ITGA6: variants seen among roughly 807,000 people sequenced by gnomAD.
ITGA6 encodes the protein integrin subunit alpha 6, also known as integrin alpha-6.
Under a neutral mutation model 133.6 loss-of-function variants are expected in ITGA6, and 63 were observed. That is an observed-to-expected ratio of 0.47 (90% CI 0.38 to 0.58). The LOEUF is 0.58. Ranked by LOEUF, ITGA6 falls within the 20% of genes least tolerant of loss-of-function variation. The pLI is 0.00. For synonymous variants in ITGA6, 434 were observed against 482.0 expected, an observed-to-expected ratio of 0.90 and a Z score of 1.30; for missense variants, 1,068 against 1,309.4, an observed-to-expected ratio of 0.82 and a Z score of 2.85.
At chr2:172,448,258 T>C (rs1358739906) in intron 1 of ITGA6, among the ~76,000 whole-genome samples, 2 of 152,056 alleles carry the variant, frequency 1.3e-5, no homozygotes, top group Non-Finnish European at 2.9e-5. Context: ...CTGACCATGC[T>C]CTTGTAATAG....
At chr2:172,497,362 G>A (rs1022049975) in intron 23 of ITGA6, among the ~76,000 whole-genome samples, 2 of 152,034 alleles carry the variant, frequency 1.3e-5, no homozygotes, top group African/African-American at 4.8e-5. Flanking sequence ...GCTGTGAGTG[G>A]TGGCATGCGC....
intron 1 of ITGA6, among the ~76,000 whole-genome samples, chr2:172,435,589 A>G (rs1315088978): frequency 6.7e-6 from 1 of 150,302 alleles, no homozygotes; most frequent in East Asian, 2.0e-4. Flanking sequence ...CAGCTTTGCC[A>G]CGACACAAAA....
At chr2:172,501,044 T>C (rs1172093907) in intron 24 of ITGA6, among the ~76,000 whole-genome samples, 1 of 152,172 alleles carries the variant, frequency 6.6e-6, no homozygotes, top group Non-Finnish European at 1.5e-5. Context: ...ATGAACTAGA[T>C]AAAAGTAAAT....
chr2:172,462,613 C>A (rs540889869), intron 1 of ITGA6, among the ~76,000 whole-genome samples: 1 of 152,164 alleles, frequency 6.6e-6, no homozygotes, highest in East Asian at 1.9e-4. Flanking sequence ...CCAACAAATT[C>A]GAGTTAAATG....
chr2:172,447,217 A>C (rs991664212), intron 1 of ITGA6, among the ~76,000 whole-genome samples: 5 of 150,526 alleles, frequency 3.3e-5, no homozygotes, highest in Non-Finnish European at 7.4e-5. Flanking sequence ...TTTTATTTTT[A>C]TTTATTTATT....
At chr2:172,465,507 A>C in intron 1 of ITGA6, 32 bp from the exon 2 acceptor site, 2 of 1,613,576 alleles carry the variant, frequency 1.2e-6, no homozygotes, top group South Asian at 2.2e-5. Context: ...TATTAAATTC[A>C]AATCTCCAAA....
chr2:172,484,431 G>A (rs1028411654), intron 11 of ITGA6, among the ~76,000 whole-genome samples: 2 of 152,192 alleles, frequency 1.3e-5, no homozygotes, highest in Admixed American at 6.5e-5. Flanking sequence ...TTAGGTGCTC[G>A]GGGGAGTGTT....
intron 5 of ITGA6, chr2:172,472,900 C>G (rs772893338): frequency 1.3e-6 from 2 of 1,490,104 alleles, no homozygotes; most frequent in African/African-American, 2.8e-5. Context: ...GGTTTGTGAC[C>G]TCTGCGACGA....
intron 2 of ITGA6, 21 bp from the exon 3 acceptor site, chr2:172,467,460 T>C (rs1463231619): frequency 2.5e-6 from 4 of 1,602,138 alleles, no homozygotes; most frequent in Non-Finnish European, 3.4e-6. Context: ...CTTGGAAGGC[T>C]AACTATGCTC....
At position 172,491,294 on chromosome 2, in the gene ITGA6, T is replaced by A; in HGVS notation, c.2852T>A (p.Ile951Asn). The A allele has an allele frequency of 6.2e-7, 1 of 1,612,828 alleles. No individual in the cohort carries two copies. The highest frequency in any genetic ancestry group is 8.5e-7 in the Non-Finnish European group (1 of 1,178,816). Reference sequence around the variant, plus strand: ...GGGCTGGACAGCAAGGCGTCTCTTATTTTGCGCTCGAGGTTATGGAACAGC... The same window carrying A: ...GGGCTGGACAGCAAGGCGTCTCTTAATTTGCGCTCGAGGTTATGGAACAGC... ...LRGLDSKASL[I>N]LRSRLWNSTF... Residue 951 changes from isoleucine (I) to asparagine (N), a missense_variant, in exon 22 of 26, where the codon ATT (isoleucine) becomes AAT (asparagine). By Grantham distance (149) the Ile-to-Asn change is moderately radical. Around this residue, in one of 3 missense-constraint regions of ITGA6, gnomAD observed 609 missense variants for 707.2 expected, o/e 0.86. Transcript: ENST00000684293. The surrounding 1 kb of genome is among the most constrained non-coding windows in gnomAD (Gnocchi z 4.4).
intron 1 of ITGA6, among the ~76,000 whole-genome samples, chr2:172,437,476 T>A (rs1026623938): frequency 3.9e-5 from 6 of 152,200 alleles, no homozygotes; most frequent in Non-Finnish European, 5.9e-5. Flanking sequence ...CCAAAGTTTT[T>A]GACCTGAGCA....
chr2:172,451,894 G>A (rs1158847195), intron 1 of ITGA6, among the ~76,000 whole-genome samples: 4 of 151,746 alleles, frequency 2.6e-5, no homozygotes, highest in Non-Finnish European at 5.9e-5. Flanking sequence ...GGGGAGTGGT[G>A]GTGTACTGTT....
chr2:172,455,216 G>A (rs189667182), intron 1 of ITGA6, among the ~76,000 whole-genome samples: 65 of 152,296 alleles, frequency 4.3e-4, no homozygotes, highest in African/African-American at 1.4e-3. Context: ...CCAACTCAAC[G>A]TCTCATTGCA....
Position 172,491,588 on chromosome 2 carries a change from T to C in ITGA6, c.2988+65T>C. 1 of 1,045,714 alleles carries C rather than the reference T, an allele frequency of 9.6e-7. No homozygotes were observed. The highest frequency in any genetic ancestry group is 1.5e-6 in the Non-Finnish European group (1 of 677,126). The allele number at this position is 1,045,714 out of a possible 1,614,324, so 64.8% of individuals were successfully genotyped here. On this transcript the variant is annotated intron_variant, in intron 23 of 25. Transcript: ENST00000684293. The surrounding 1 kb of genome is among the most constrained non-coding windows in gnomAD (Gnocchi z 4.4). ...CTCTTTTCCCTGTACCCCACACTCA[T>C]GTCCTGAAGTCATGTGCTTTGGTGC...
chr2:172,427,380 T>C (rs1683880368), upstream of ITGA6: 1 of 1,012,056 alleles, frequency 9.9e-7, no homozygotes, highest in South Asian at 4.3e-5. Flanking sequence ...GGCGGCGCAG[T>C]GGGGCTGCTT....
intron 20 of ITGA6, 96 bp from the exon 21 acceptor site, chr2:172,490,928 A>T: frequency 1.3e-6 from 1 of 772,706 alleles, no homozygotes; most frequent in Non-Finnish European, 2.4e-6. Flanking sequence ...GATTATGTGA[A>T]TCTGGCACTG....
chr2:172,489,330 T>G (rs1282630519), intron 19 of ITGA6, among the ~76,000 whole-genome samples, 155 bp from the exon 20 acceptor site: 1 of 152,250 alleles, frequency 6.6e-6, no homozygotes, highest in Non-Finnish European at 1.5e-5. Context: ...AAGTCTTTAT[T>G]TTGAATGCCC....
rs140907663 is a variant in ITGA6 at position 172,489,640 on chromosome 2, A to G, written c.2661A>G (p.Ile887Met). 4 of 1,613,804 alleles carry G rather than the reference A, an allele frequency of 2.5e-6. No homozygotes were observed. The African/African-American group carries it at 5.3e-5, about 22-fold the overall frequency. The change falls in exon 20 of 26, where the codon ATA (isoleucine) becomes ATG (methionine). Residue 887 changes from isoleucine (I) to methionine (M), a missense_variant. Around this residue, in one of 3 missense-constraint regions of ITGA6, gnomAD observed 609 missense variants for 707.2 expected, o/e 0.86. Transcript: ENST00000684293. ...TAACTTGTGAGCCACAAAAGGAGATAAACTCCCTGAACCTAACGGTATGTC... is the reference window on the plus strand; with the variant it reads ...TAACTTGTGAGCCACAAAAGGAGATGAACTCCCTGAACCTAACGGTATGTC... Reference protein sequence around the residue: ...EKVTCEPQKEINSLNLTESHN... With the variant: ...EKVTCEPQKEMNSLNLTESHN...
At position 172,439,492 on chromosome 2, in the gene ITGA6, A is replaced by G. The variant is rs545727046; in HGVS notation, c.182+11522A>G. Among the ~76,000 whole-genome samples the G allele has an allele frequency of 4.6e-5, 7 of 152,012 alleles. No individual in the cohort carries two copies. In the South Asian group the frequency reaches 1.4e-3, roughly 31 times the overall value. Reference sequence around the variant, plus strand: ...GTGAGTCATCAGGACTTGAGCATACATTCCCCTGGTGTGCTGCAAATCAGA... The same window carrying G: ...GTGAGTCATCAGGACTTGAGCATACGTTCCCCTGGTGTGCTGCAAATCAGA... On this transcript the variant is annotated intron_variant, in intron 1 of 25. Coordinates refer to ENST00000684293, the MANE Select transcript of ITGA6 (RefSeq NM_000210.4).
Sources: gnomAD v4.1 joint callset for allele counts (sites outside exome capture counted in the v4.1 genomes callset) on GRCh38, gnomAD v4.1.1 for gene constraint, gnomAD v4.1.1 regional missense constraint, Gnocchi (gnomAD v3.1) non-coding constraint, MANE v1.5 for transcripts, NCBI Gene and HGNC (gene_info 2026-07-23, HGNC 2026-07-21) for gene names.